The following OXR1 variants were observed in gnomAD, a reference collection of about 807,000 sequenced individuals.
The protein encoded by OXR1 is oxidation resistance 1, also known as oxidation resistance protein 1.
A neutral mutation model predicts 104.6 loss-of-function variants in OXR1; 41 were observed. The ratio of observed to expected loss-of-function variants is 0.39; its 90% confidence interval spans 0.31 to 0.51. The LOEUF (loss-of-function observed/expected upper bound fraction) is 0.51, where lower values mean the gene tolerates loss of function less well. OXR1 is among the 20% of genes least tolerant of loss of function. OXR1 has a pLI of 0.77. For missense variants in OXR1, 955 were observed against 1,031.9 expected (o/e 0.93, Z 1.02); for synonymous variants, 348 against 348.4 (o/e 1.00, Z 0.01).
At chr8:106,384,603 T>C (rs1445599413) in intron 2 of OXR1, among the ~76,000 whole-genome samples, 5 of 152,218 alleles carry the variant, frequency 3.3e-5, no homozygotes, top group African/African-American at 9.6e-5. Flanking sequence ...GGGAAGCTCT[T>C]ATCTTTGGTG....
intron 3 of OXR1, among the ~76,000 whole-genome samples, chr8:106,624,998 C>G (rs1822032560): frequency 6.6e-6 from 1 of 152,040 alleles, no homozygotes; most frequent in African/African-American, 2.4e-5. Context: ...CATCACATTG[C>G]CCAAGATGGT....
At chr8:106,562,769 C>A (rs1267624187) in intron 3 of OXR1, among the ~76,000 whole-genome samples, 1 of 152,204 alleles carries the variant, frequency 6.6e-6, no homozygotes, top group Non-Finnish European at 1.5e-5. Context: ...AACAGCGGAT[C>A]TCTTTGCAGA....
intron 2 of OXR1, among the ~76,000 whole-genome samples, chr8:106,380,510 G>T (rs1817098972): frequency 6.6e-6 from 1 of 152,124 alleles, no homozygotes; most frequent in African/African-American, 2.4e-5. Flanking sequence ...GGTTCACCTG[G>T]TAACTCTTGT....
chr8:106,303,406 T>G (rs969406396), intron 1 of OXR1, among the ~76,000 whole-genome samples: 1 of 150,950 alleles, frequency 6.6e-6, no homozygotes, highest in Non-Finnish European at 1.5e-5. Context: ...GCCCGGCTAA[T>G]TTTTTGTATT....
intron 3 of OXR1, among the ~76,000 whole-genome samples, chr8:106,563,729 G>A (rs191100044): frequency 3.3e-5 from 5 of 152,096 alleles, no homozygotes; most frequent in East Asian, 1.9e-4. Flanking sequence ...AATTGACTAC[G>A]TAATTGGAAG....
At chr8:106,400,934 T>C (rs1817973111) in intron 2 of OXR1, among the ~76,000 whole-genome samples, 1 of 152,192 alleles carries the variant, frequency 6.6e-6, no homozygotes. Context: ...ACTCAAAAAT[T>C]TCAGTCTGTT....
At chr8:106,527,919 A>C (rs1348318120) in intron 3 of OXR1, among the ~76,000 whole-genome samples, 1 of 152,176 alleles carries the variant, frequency 6.6e-6, no homozygotes, top group African/African-American at 2.4e-5. Flanking sequence ...TTCTCTTTTC[A>C]AAAACAAAAA....
chr8:106,568,945 T>C (rs1030095009), intron 3 of OXR1, among the ~76,000 whole-genome samples: 2 of 152,138 alleles, frequency 1.3e-5, no homozygotes, highest in East Asian at 1.9e-4. Context: ...ATATTTCTAA[T>C]GTAAGCATCA....
chr8:106,596,984 C>T (rs1018099266), intron 3 of OXR1, among the ~76,000 whole-genome samples: 6 of 151,952 alleles, frequency 3.9e-5, no homozygotes, highest in Non-Finnish European at 4.4e-5. Flanking sequence ...ACCTGGGAGG[C>T]GGAGGCTGCA....
chr8:106,658,671 A>T (rs368258454), intron 3 of OXR1, among the ~76,000 whole-genome samples: 1 of 152,354 alleles, frequency 6.6e-6, no homozygotes, highest in East Asian at 1.9e-4. Context: ...TTTGTAAAAT[A>T]AAACACTTCA....
At chr8:106,368,546 C>A (rs1325517886) in intron 2 of OXR1, among the ~76,000 whole-genome samples, 1 of 151,930 alleles carries the variant, frequency 6.6e-6, no homozygotes, top group Non-Finnish European at 1.5e-5. Flanking sequence ...AAGACCCCTC[C>A]CCTCAACCCC....
intron 1 of OXR1, among the ~76,000 whole-genome samples, chr8:106,323,434 C>T (rs1404558673): frequency 6.6e-6 from 1 of 152,086 alleles, no homozygotes; most frequent in Non-Finnish European, 1.5e-5. Flanking sequence ...GGCAATACCT[C>T]GTGCACATAG....
In OXR1 at chr8:106,380,454, C is replaced by T. The variant is rs115526792; in HGVS notation, c.23+20818C>T. ...ACTCATGTACAAGTTTTTACATGGACATTGTTTTCATTTCTCTTGGGTATA... is the reference window on the plus strand; with the variant it reads ...ACTCATGTACAAGTTTTTACATGGATATTGTTTTCATTTCTCTTGGGTATA... On this transcript the variant is annotated intron_variant, in intron 2 of 16. Coordinates refer to ENST00000517566, the MANE Select transcript of OXR1 (RefSeq NM_001198533.2). 9.3e-3 allele frequency among the ~76,000 whole-genome samples: 1,415 copies of T among 152,230 alleles called. 21 individuals carry two copies. Among genetic ancestry groups the T allele is most frequent in the African/African-American group, 0.031 (1,302 of 41,526 alleles).
chr8:106,288,973 C>T (rs1389291070), intron 1 of OXR1, among the ~76,000 whole-genome samples: 2 of 152,000 alleles, frequency 1.3e-5, no homozygotes, highest in East Asian at 1.9e-4. Context: ...TCCTTGTTTT[C>T]ACAGACTCTG....
chr8:106,555,812 C>T (rs1470224886), intron 3 of OXR1, among the ~76,000 whole-genome samples: 1 of 150,348 alleles, frequency 6.7e-6, no homozygotes, highest in Non-Finnish European at 1.5e-5. Context: ...GCCCAAATAT[C>T]CATAAACAGA....
At chr8:106,308,674 C>A (rs911953976) in intron 1 of OXR1, among the ~76,000 whole-genome samples, 1 of 151,934 alleles carries the variant, frequency 6.6e-6, no homozygotes, top group East Asian at 1.9e-4. Context: ...TTTACATGAT[C>A]GCCTATTGAT....
intron 3 of OXR1, among the ~76,000 whole-genome samples, chr8:106,641,340 T>C (rs1319359622): frequency 1.3e-5 from 2 of 152,168 alleles, no homozygotes; most frequent in Non-Finnish European, 2.9e-5. Flanking sequence ...CAGAAAGATA[T>C]GTCAGGAAGT....
chr8:106,279,321 A>G (rs573233727), intron 1 of OXR1, among the ~76,000 whole-genome samples: 2 of 152,318 alleles, frequency 1.3e-5, no homozygotes, highest in African/African-American at 4.8e-5. Context: ...ATTTTAAGAA[A>G]TACCTAGAGA....
intron 3 of OXR1, among the ~76,000 whole-genome samples, chr8:106,592,131 G>T (rs772974210): frequency 2.0e-5 from 3 of 152,172 alleles, no homozygotes; most frequent in Non-Finnish European, 4.4e-5. Context: ...ACTTCTTCCT[G>T]CTTTACCATA....
Sources: gnomAD v4.1 joint callset for allele counts (sites outside exome capture counted in the v4.1 genomes callset) on GRCh38, gnomAD v4.1.1 for gene constraint, MANE v1.5 for transcripts, NCBI Gene and HGNC (gene_info 2026-07-23, HGNC 2026-07-21) for gene names.